The following RBMS3 variants were observed in gnomAD, a reference collection of about 807,000 sequenced individuals.
RBMS3 encodes the protein RNA-binding motif, single-stranded-interacting protein 3.
A neutral mutation model predicts 66.8 loss-of-function variants in RBMS3; 27 were observed. That is an observed-to-expected ratio of 0.40 (90% CI 0.30 to 0.56). The LOEUF (loss-of-function observed/expected upper bound fraction) is 0.56. Ranked by LOEUF, RBMS3 falls within the 20% of genes least tolerant of loss-of-function variation. The pLI is 0.40. For missense variants in RBMS3, 513 were observed against 549.5 expected, an observed-to-expected ratio of 0.93 and a Z score of 0.66; for synonymous variants, 188 against 183.0, an observed-to-expected ratio of 1.03 and a Z score of -0.22.
chr3:30,000,944 G>T (rs1362897583), intron 14 of RBMS3, among the ~76,000 whole-genome samples: 1 of 151,804 alleles, frequency 6.6e-6, no homozygotes, highest in Non-Finnish European at 1.5e-5. Context: ...GTAGTTGATG[G>T]GTTGATGGGT....
chr3:29,421,117 GAA>G (rs142393315), intron 1 of RBMS3, among the ~76,000 whole-genome samples: 2 of 137,426 alleles, frequency 1.5e-5, no homozygotes, highest in East Asian at 2.1e-4. Context: ...TGTCCCTAAA[GAA>G]AAAAAAAAAG....
chr3:29,816,717 AAC>A (rs1246913478), intron 6 of RBMS3, among the ~76,000 whole-genome samples: 2 of 152,198 alleles, frequency 1.3e-5, no homozygotes, highest in African/African-American at 2.4e-5. Flanking sequence ...GTCATTTTCA[AAC>A]ACAGAAAACT....
intron 3 of RBMS3, among the ~76,000 whole-genome samples, chr3:29,580,637 G>A (rs770397392): frequency 6.6e-6 from 1 of 150,494 alleles, no homozygotes; most frequent in African/African-American, 2.4e-5. Flanking sequence ...ACAGCATCTG[G>A]CACTATCTTC....
chr3:29,308,800 C>T (rs1415795488), intron 1 of RBMS3, among the ~76,000 whole-genome samples: 1 of 130,494 alleles, frequency 7.7e-6, no homozygotes. Flanking sequence ...AAAATTTTGT[C>T]AAAAAAAAAA....
intron 14 of RBMS3, among the ~76,000 whole-genome samples, chr3:29,998,595 C>G (rs1274634725): frequency 2.6e-5 from 4 of 152,068 alleles, no homozygotes; most frequent in Non-Finnish European, 5.9e-5. Flanking sequence ...AGAACAGAGC[C>G]CTCAGAAATA....
intron 1 of RBMS3, among the ~76,000 whole-genome samples, chr3:29,303,839 C>T (rs2033833685): frequency 6.6e-6 from 1 of 152,122 alleles, no homozygotes; most frequent in Non-Finnish European, 1.5e-5. Context: ...ATTGGACTTA[C>T]AGTCCCACGT....
chr3:29,997,568 C>A (rs1190964171), intron 14 of RBMS3, among the ~76,000 whole-genome samples: 14 of 150,894 alleles, frequency 9.3e-5, no homozygotes, highest in Admixed American at 2.0e-4. Context: ...AGCTTATCCA[C>A]CATGATCAAG....
intron 4 of RBMS3, among the ~76,000 whole-genome samples, chr3:29,600,230 C>T (rs2048096855): frequency 6.6e-6 from 1 of 152,032 alleles, no homozygotes; most frequent in Admixed American, 6.6e-5. Flanking sequence ...TTTGTCCCTT[C>T]AAACCTCATG....
intron 1 of RBMS3, among the ~76,000 whole-genome samples, chr3:29,421,408 A>G (rs189619885): frequency 2.1e-4 from 32 of 152,314 alleles, no homozygotes; most frequent in African/African-American, 6.3e-4. Flanking sequence ...CAGGGGAACA[A>G]TTTTTTAAAA....
intron 1 of RBMS3, among the ~76,000 whole-genome samples, chr3:29,430,109 T>C (rs545739687): frequency 6.6e-6 from 1 of 152,106 alleles, no homozygotes; most frequent in South Asian, 2.1e-4. Flanking sequence ...GATTAAAGGA[T>C]GTGTATTTGG....
At chr3:29,612,508 G>C (rs2048525875) in intron 4 of RBMS3, among the ~76,000 whole-genome samples, 1 of 151,950 alleles carries the variant, frequency 6.6e-6, no homozygotes, top group African/African-American at 2.4e-5. Context: ...TGTATGTGTA[G>C]GATAAATGCA....
chr3:29,593,255 C>T (rs1279237312), intron 4 of RBMS3, among the ~76,000 whole-genome samples: 10 of 152,144 alleles, frequency 6.6e-5, no homozygotes, highest in African/African-American at 1.9e-4. Context: ...TCTACCAAAG[C>T]TACTCTTCTG....
rs1443693229 is a variant in RBMS3, at chr3:29,322,078, T to C, written c.75+40322T>C. 5.3e-5 allele frequency among the ~76,000 whole-genome samples: 8 copies of C among 152,128 alleles called. No individual in the cohort carries two copies. The South Asian group carries it at 6.2e-4, about 12-fold the overall frequency. On this transcript the variant is annotated intron_variant, in intron 1 of 14. Transcript: ENST00000383767. ...GCCAGGCACTGAGCTTAGGGCTATA[T>C]ACAGTTTTCTAAAGGATGCTCCATC...
Position 29,646,403 on chromosome 3 carries a change from G to C in RBMS3, c.399+59198G>C, listed in dbSNP as rs1036902569. 3.3e-5 allele frequency among the ~76,000 whole-genome samples: 5 copies of C among 152,178 alleles called. No individual in the cohort carries two copies. The South Asian group carries it at 1.0e-3, about 32-fold the overall frequency. ...TAAAAGTGGCTGAGACTCTCAGAAG[G>C]TGCACACTTGTAATTGCATCTCATC... On this transcript the variant is annotated intron_variant, in intron 4 of 14. Coordinates refer to ENST00000383767, the MANE Select transcript of RBMS3 (RefSeq NM_001003793.3).
intron 4 of RBMS3, among the ~76,000 whole-genome samples, chr3:29,713,861 C>T (rs7620742): frequency 6.6e-6 from 1 of 152,048 alleles, no homozygotes; most frequent in Non-Finnish European, 1.5e-5. Flanking sequence ...TCAAGACCAG[C>T]CTGGGCAACA....
intron 1 of RBMS3, among the ~76,000 whole-genome samples, chr3:29,321,717 A>C (rs558292557): frequency 6.6e-6 from 1 of 152,262 alleles, no homozygotes; most frequent in African/African-American, 2.4e-5. Flanking sequence ...CATCAATCCA[A>C]ATAATAAATT....
At chr3:29,433,034 C>A (rs1471934223) in intron 1 of RBMS3, among the ~76,000 whole-genome samples, 2 of 152,126 alleles carry the variant, frequency 1.3e-5, no homozygotes, top group Non-Finnish European at 2.9e-5. Flanking sequence ...CCCAGACCCA[C>A]TAGGCCTGTC....
intron 4 of RBMS3, among the ~76,000 whole-genome samples, chr3:29,651,027 A>G (rs115765999): frequency 0.016 from 2,431 of 152,154 alleles, 44 homozygotes; most frequent in African/African-American, 0.047. Context: ...ATTTTTTTTG[A>G]TGTTGCCTTT....
At chr3:29,648,263 A>ATTTTTCTTTTTTTTTTTT (rs2050014091) in intron 4 of RBMS3, among the ~76,000 whole-genome samples, 1 of 77,652 alleles carries the variant, frequency 1.3e-5, no homozygotes, top group Non-Finnish European at 2.4e-5. Flanking sequence ...GAAAATGTCT[A>ATTTTTCTTTTTTTTTTTT]TTTTTTTTTT....
Sources: allele counts gnomAD v4.1 joint callset (sites outside exome capture counted in the v4.1 genomes callset), GRCh38; gene constraint gnomAD v4.1.1; transcripts MANE v1.5; gene names NCBI Gene and HGNC (gene_info 2026-07-23, HGNC 2026-07-21).